Variants in PPHLN1 observed in about 807,000 individuals in gnomAD.
PPHLN1 encodes the protein periphilin 1.
In PPHLN1, 29 loss-of-function variants were observed where a neutral mutation model predicts 51.3. That is an observed-to-expected ratio of 0.57 (90% confidence interval 0.42 to 0.77). PPHLN1 has a LOEUF of 0.77. Ranked by LOEUF, PPHLN1 falls within the 30% of genes least tolerant of loss-of-function variation. PPHLN1 has a pLI of 0.00. For missense variants in PPHLN1, 436 were observed against 438.4 expected, an observed-to-expected ratio of 0.99 and a Z score of 0.05; for synonymous variants, 147 against 147.8, an observed-to-expected ratio of 0.99 and a Z score of 0.04.
chr12:42,446,284 A>C (rs757456049), downstream of PPHLN1: 21 of 1,589,950 alleles, frequency 1.3e-5, no homozygotes, highest in Non-Finnish European at 1.7e-5. Flanking sequence ...ATTGCAACTC[A>C]CGCAAGGTAT....
intron 9 of PPHLN1, among the ~76,000 whole-genome samples, chr12:42,405,968 C>T (rs1456467417): frequency 1.3e-5 from 2 of 152,092 alleles, no homozygotes; most frequent in Non-Finnish European, 2.9e-5. Flanking sequence ...TAAGAACTAC[C>T]ATTCAAGGCA....
chr12:42,429,132 G>T (rs539598709), intron 9 of PPHLN1, among the ~76,000 whole-genome samples: 40 of 152,122 alleles, frequency 2.6e-4, no homozygotes, highest in African/African-American at 9.4e-4. Flanking sequence ...TGTTCATTAT[G>T]AATATTTTTC....
At position 42,343,679 on chromosome 12, in the gene PPHLN1, A is replaced by G. The variant is rs117965301; in HGVS notation, c.72+7705A>G. The G allele has an allele frequency of 2.0e-3, 480 of 244,696 alleles. 17 individuals carry two copies. The East Asian group carries it at 0.053, about 27-fold the overall frequency. The allele number at this position is 244,696 out of a possible 1,614,324, so 15.2% of individuals were successfully genotyped here. A position where few individuals can be genotyped will look rare whatever the true frequency, so the allele number is the denominator to read the frequency against. On this transcript the variant is annotated intron_variant, in intron 2 of 9. Coordinates refer to ENST00000358314, the MANE Select transcript of PPHLN1 (RefSeq NM_201439.2). ...TTGATTTAGTAATGTTCCCTTCTGT[A>G]GAGTTGCCCTAAGAGGTGTTTTACT... is the stretch of plus-strand genomic sequence containing the variant.
chr12:42,407,627 A>G (rs1237924034), intron 9 of PPHLN1, among the ~76,000 whole-genome samples: 2 of 152,230 alleles, frequency 1.3e-5, no homozygotes, highest in Non-Finnish European at 2.9e-5. Flanking sequence ...TGGTTTCAGG[A>G]CACCTCAGAG....
chr12:42,339,491 C>A (rs1354822110), intron 2 of PPHLN1, among the ~76,000 whole-genome samples: 1 of 152,170 alleles, frequency 6.6e-6, no homozygotes, highest in Non-Finnish European at 1.5e-5. Context: ...TTCTGTGTTA[C>A]ACCTGCATCT....
intron 4 of PPHLN1, among the ~76,000 whole-genome samples, chr12:42,360,819 T>C (rs909494260): frequency 6.6e-6 from 1 of 152,114 alleles, no homozygotes; most frequent in African/African-American, 2.4e-5. Flanking sequence ...TCCTATAGGC[T>C]GCACATGTTG....
chr12:42,404,728 T>C (rs572595306), intron 9 of PPHLN1, among the ~76,000 whole-genome samples: 2 of 152,192 alleles, frequency 1.3e-5, no homozygotes, highest in Non-Finnish European at 1.5e-5. Context: ...AAAAATACTA[T>C]TAAAAAATAT....
intron 5 of PPHLN1, 160 bp downstream of exon 5, chr12:42,375,234 CCATACA>C (rs919584378): frequency 1.8e-5 from 9 of 509,190 alleles, no homozygotes; most frequent in African/African-American, 1.6e-4. Context: ...ATAACAAACA[CCATACA>C]CACACATTTT....
intron 8 of PPHLN1, among the ~76,000 whole-genome samples, chr12:42,396,626 A>G (rs1410557237): frequency 2.1e-4 from 15 of 73,160 alleles, no homozygotes; most frequent in African/African-American, 4.9e-4. Flanking sequence ...AAAAAAAAAA[A>G]AAAAAAAAAA....
intron 9 of PPHLN1, chr12:42,431,958 G>T: frequency 6.8e-7 from 1 of 1,480,760 alleles, no homozygotes; most frequent in Non-Finnish European, 9.5e-7. Context: ...GATGAGATTT[G>T]CTGGCATCAG....
At chr12:42,355,764 A>T (rs1592345652) in intron 4 of PPHLN1, 1 of 152,276 alleles carries the variant, frequency 6.6e-6, no homozygotes, top group Non-Finnish European at 1.5e-5. Flanking sequence ...AAAAAAAAAA[A>T]AAAGAACTAT....
At chr12:42,349,741 C>G in intron 2 of PPHLN1, among the ~76,000 whole-genome samples, 1 of 152,120 alleles carries the variant, frequency 6.6e-6, no homozygotes, top group Non-Finnish European at 1.5e-5. Flanking sequence ...TATAGATTAA[C>G]AGCATCCCAA....
intron 4 of PPHLN1, among the ~76,000 whole-genome samples, chr12:42,373,077 C>T (rs1183913399): frequency 6.6e-6 from 1 of 152,200 alleles, no homozygotes; most frequent in Non-Finnish European, 1.5e-5. Flanking sequence ...CTCTCTACAT[C>T]CATTCTTGAC....
intron 8 of PPHLN1, among the ~76,000 whole-genome samples, chr12:42,396,462 A>G (rs915544780): frequency 2.6e-5 from 4 of 152,016 alleles, no homozygotes; most frequent in Non-Finnish European, 5.9e-5. Context: ...CCTTAAACAA[A>G]TAGCTGTGAG....
At chr12:42,397,105 C>T (rs137909035) in intron 8 of PPHLN1, among the ~76,000 whole-genome samples, 143 of 150,582 alleles carry the variant, frequency 9.5e-4, no homozygotes, top group African/African-American at 3.2e-3. Context: ...TTAAAATTTA[C>T]GACTTATGTT....
At chr12:42,415,955 A>G (rs1230633775) in intron 9 of PPHLN1, among the ~76,000 whole-genome samples, 2 of 152,220 alleles carry the variant, frequency 1.3e-5, no homozygotes, top group African/African-American at 4.8e-5. Context: ...AGTTCCAGTT[A>G]GAACCAAAGA....
At chr12:42,383,916 G>A (rs971106824) in intron 5 of PPHLN1, among the ~76,000 whole-genome samples, 3 of 148,874 alleles carry the variant, frequency 2.0e-5, no homozygotes, top group South Asian at 2.1e-4. Context: ...CCCGGGGGGC[G>A]GAGGTTGCAC....
At chr12:42,380,614 T>C (rs1463587858) in intron 5 of PPHLN1, among the ~76,000 whole-genome samples, 1 of 152,142 alleles carries the variant, frequency 6.6e-6, no homozygotes, top group Non-Finnish European at 1.5e-5. Flanking sequence ...TTTTTGATTA[T>C]AGCTGAAATT....
At chr12:42,442,362 G>A (rs2083029472), downstream of PPHLN1, among the ~76,000 whole-genome samples, 1 of 152,152 alleles carries the variant, frequency 6.6e-6, no homozygotes, top group Non-Finnish European at 1.5e-5. Context: ...GTAGTGTAAA[G>A]AAATTTATCT....
Sources: gnomAD v4.1 joint callset for allele counts (sites outside exome capture counted in the v4.1 genomes callset) on GRCh38, gnomAD v4.1.1 for gene constraint, MANE v1.5 for transcripts, NCBI Gene and HGNC (gene_info 2026-07-23, HGNC 2026-07-21) for gene names.